Variants in ZSWIM5 observed in about 807,000 individuals in gnomAD.
ZSWIM5 encodes zinc finger SWIM domain-containing protein 5.
Under a neutral mutation model 119.6 loss-of-function variants are expected in ZSWIM5, and 55 were observed. The ratio of observed to expected loss-of-function variants is 0.46; its 90% confidence interval spans 0.37 to 0.58. The LOEUF is 0.58. ZSWIM5 is among the 20% of genes least tolerant of loss of function. The pLI is 0.00. For synonymous variants in ZSWIM5, 537 were observed against 606.9 expected (o/e 0.88, Z 1.69); for missense variants, 1,193 against 1,512.8 (o/e 0.79, Z 3.51).
chr1:45,087,546 T>C (rs1186999166), intron 2 of ZSWIM5, among the ~76,000 whole-genome samples: 1 of 152,222 alleles, frequency 6.6e-6, no homozygotes, highest in Non-Finnish European at 1.5e-5. Context: ...ACAAATTATT[T>C]TGTGCTTTCT....
chr1:45,113,260 A>T (rs1645528701), intron 1 of ZSWIM5, among the ~76,000 whole-genome samples: 1 of 152,240 alleles, frequency 6.6e-6, no homozygotes, highest in African/African-American at 2.4e-5. Flanking sequence ...AGGTTAGATT[A>T]TAAAAAAGAG....
At chr1:45,203,173 G>A (rs1172568744) in intron 1 of ZSWIM5, among the ~76,000 whole-genome samples, 2 of 151,978 alleles carry the variant, frequency 1.3e-5, no homozygotes, top group African/African-American at 2.4e-5. Context: ...GAGCATAGCT[G>A]GAAAAGTTTT....
At chr1:45,044,770 TATATAAATA>T (rs1557746462) in intron 5 of ZSWIM5, among the ~76,000 whole-genome samples, 30 of 2,514 alleles carry the variant, frequency 0.012, 6 homozygotes, top group East Asian at 0.025. Context: ...TATATATATA[TATATAAATA>T]TATATATATA....
At chr1:45,149,132 C>T (rs1026865475) in intron 1 of ZSWIM5, among the ~76,000 whole-genome samples, 1 of 151,756 alleles carries the variant, frequency 6.6e-6, no homozygotes, top group Non-Finnish European at 1.5e-5. Flanking sequence ...ATTAGCAGGG[C>T]ATGGTGGCAC....
intron 1 of ZSWIM5, among the ~76,000 whole-genome samples, chr1:45,185,749 C>T (rs1307966471): frequency 6.6e-6 from 1 of 152,164 alleles, no homozygotes; most frequent in African/African-American, 2.4e-5. Context: ...AGTCAGGAAA[C>T]AACGGGTGCT....
chr1:45,062,295 T>C (rs1231569964), intron 2 of ZSWIM5, among the ~76,000 whole-genome samples: 1 of 152,200 alleles, frequency 6.6e-6, no homozygotes, highest in Non-Finnish European at 1.5e-5. Context: ...CGTCTCCCTA[T>C]GTCAGAACTC....
chr1:45,060,120 T>C lies in ZSWIM5; in HGVS notation c.1080A>G (p.Gln360=). ...SQGGYCGSGK[Q]LNSMFAKVRE... is the part of the protein sequence containing the mutation. ...TTACCTTGGCAAACATTGAGTTGAGTTGCTTTCCAGAGCCACAGTAACCGC... is the reference window on the plus strand; with the variant it reads ...TTACCTTGGCAAACATTGAGTTGAGCTGCTTTCCAGAGCCACAGTAACCGC... Residue 360 remains glutamine, a synonymous_variant, in exon 3 of 14, where the codon CAA becomes CAG. Transcript: ENST00000359600. 4 of 1,614,160 alleles carry C rather than the reference T, an allele frequency of 2.5e-6. No individual in the cohort carries two copies. Among genetic ancestry groups the C allele is most frequent in the Non-Finnish European group, 3.4e-6 (4 of 1,180,032 alleles).
At chr1:45,122,453 T>C (rs1645598556) in intron 1 of ZSWIM5, among the ~76,000 whole-genome samples, 1 of 152,226 alleles carries the variant, frequency 6.6e-6, no homozygotes, top group Non-Finnish European at 1.5e-5. Flanking sequence ...GGAGTAGATA[T>C]ATTTTTTCCT....
At chr1:45,071,129 A>G (rs981957850) in intron 2 of ZSWIM5, among the ~76,000 whole-genome samples, 3 of 152,222 alleles carry the variant, frequency 2.0e-5, no homozygotes, top group African/African-American at 7.2e-5. Context: ...CAATCCAATT[A>G]TACTCTTTCA....
intron 2 of ZSWIM5, among the ~76,000 whole-genome samples, chr1:45,064,891 G>A (rs1169732122): frequency 6.6e-6 from 1 of 152,174 alleles, no homozygotes; most frequent in Non-Finnish European, 1.5e-5. Context: ...TTGGCCTTCA[G>A]TCTCATACCG....
chr1:45,031,388 T>C (rs1644952557), intron 11 of ZSWIM5, among the ~76,000 whole-genome samples: 1 of 151,692 alleles, frequency 6.6e-6, no homozygotes, highest in Admixed American at 6.6e-5. Context: ...TTTAGCATGT[T>C]AGCCAGGCTG....
At chr1:45,199,813 C>A (rs553330469) in intron 1 of ZSWIM5, among the ~76,000 whole-genome samples, 1 of 152,218 alleles carries the variant, frequency 6.6e-6, no homozygotes, top group Non-Finnish European at 1.5e-5. Flanking sequence ...CTTTGATGCC[C>A]AACCTAACTT....
chr1:45,161,353 C>G (rs1645862936), intron 1 of ZSWIM5, among the ~76,000 whole-genome samples: 1 of 152,100 alleles, frequency 6.6e-6, no homozygotes, highest in African/African-American at 2.4e-5. Context: ...AGTGGTTGTA[C>G]TAATTTACAT....
At chr1:45,151,239 T>C (rs935926680) in intron 1 of ZSWIM5, among the ~76,000 whole-genome samples, 2 of 151,832 alleles carry the variant, frequency 1.3e-5, no homozygotes, top group African/African-American at 2.4e-5. Flanking sequence ...TTAAAAGTTA[T>C]ATATTTATAT....
chr1:45,029,654 CA>C (rs1444599453), intron 11 of ZSWIM5, among the ~76,000 whole-genome samples: 1 of 152,188 alleles, frequency 6.6e-6, no homozygotes, highest in African/African-American at 2.4e-5. Context: ...TTCCCGACTG[CA>C]GCTATTTTAG....
At chr1:45,067,645 A>G (rs1217946052) in intron 2 of ZSWIM5, among the ~76,000 whole-genome samples, 1 of 152,212 alleles carries the variant, frequency 6.6e-6, no homozygotes, top group Non-Finnish European at 1.5e-5. Context: ...AAACAAGGGC[A>G]CAAATCATTT....
At chr1:45,193,953 T>TATATATATATATATATATAC (rs1646107603) in intron 1 of ZSWIM5, among the ~76,000 whole-genome samples, 1 of 151,794 alleles carries the variant, frequency 6.6e-6, no homozygotes. Flanking sequence ...TATATATATA[T>TATATATATATATATATATAC]ATACATACAT....
chr1:45,020,018 G>T, intron 13 of ZSWIM5, 48 bp downstream of exon 13: 1 of 1,506,798 alleles, frequency 6.6e-7, no homozygotes, highest in Non-Finnish European at 9.2e-7. Context: ...CAAGAGTAGG[G>T]CCTAGAAACT....
At chr1:45,146,431 CTTTTTTTTTTT>C (rs35073818) in intron 1 of ZSWIM5, among the ~76,000 whole-genome samples, 1 of 45,880 alleles carries the variant, frequency 2.2e-5, no homozygotes. Flanking sequence ...TGTTTCTAGA[CTTTTTTTTTTT>C]TTTTTTTTTT....
Sources: allele counts gnomAD v4.1 joint callset (sites outside exome capture counted in the v4.1 genomes callset), GRCh38; gene constraint gnomAD v4.1.1; transcripts MANE v1.5; gene names NCBI Gene and HGNC (gene_info 2026-07-23, HGNC 2026-07-21).